Variants in IQSEC1 observed in about 807,000 individuals in gnomAD.
IQSEC1 encodes IQ motif and Sec7 domain ArfGEF 1, also known as IQ motif and SEC7 domain-containing protein 1.
In IQSEC1, 31 loss-of-function variants were observed where a neutral mutation model predicts 91.0. The observed-to-expected ratio is 0.34, with a 90% CI of 0.26 to 0.46. The LOEUF (loss-of-function observed/expected upper bound fraction) is 0.46, where lower values mean the gene tolerates loss of function less well. IQSEC1 is among the 20% of genes least tolerant of loss of function. The pLI, the probability that IQSEC1 is intolerant of heterozygous loss-of-function variation, is 1.00. For missense variants in IQSEC1, 1,388 were observed against 1,575.6 expected (o/e 0.88, Z 2.02); for synonymous variants, 699 against 662.6 (o/e 1.05, Z -0.84).
At chr3:13,044,898 G>C (rs1033686786) in intron 1 of IQSEC1, among the ~76,000 whole-genome samples, 13 of 152,264 alleles carry the variant, frequency 8.5e-5, no homozygotes, top group African/African-American at 2.7e-4. Flanking sequence ...TGCACAAAAA[G>C]GGCACAGAGT....
intron 2 of IQSEC1, among the ~76,000 whole-genome samples, chr3:13,090,225 AT>A (rs67184898): frequency 0.065 from 9,850 of 150,554 alleles, 398 homozygotes; most frequent in Middle Eastern, 0.19. Context: ...CTCAAAAAAA[AT>A]AAAACAACAA....
rs1231610693 is a variant in IQSEC1 at position 12,935,796 on chromosome 3, C to T, written c.1220G>A (p.Gly407Asp). The T allele has an allele frequency of 6.2e-7, 1 of 1,607,430 alleles. No individual in the cohort carries two copies. Among genetic ancestry groups the T allele is most frequent in the Admixed American group, 1.7e-5 (1 of 59,988 alleles). The change falls in exon 3 of 14, where the codon GGT (glycine) becomes GAT (aspartate). Residue 407 changes from glycine to aspartate, a missense_variant. Transcript: ENST00000613206. This position sits in a 1 kb window ranked among gnomAD's most constrained non-coding sequence, Gnocchi z 8.0. ...LGGQQGSPKH[G>D]PHSGAPKSLP... is the part of the protein sequence containing the mutation. ...GCTCTTGGGGGCGCCGCTGTGGGGA[C>T]CATGCTTGGGACTGCCCTGCTGCCC... is the stretch of plus-strand genomic sequence containing the variant.
intron 1 of IQSEC1, among the ~76,000 whole-genome samples, chr3:13,028,548 C>T (rs1703718402): frequency 6.6e-6 from 1 of 152,202 alleles, no homozygotes; most frequent in South Asian, 2.1e-4. Flanking sequence ...CAGGGCAGAG[C>T]CAGACCCTAG....
At chr3:13,267,561 C>T (rs1017752813) in intron 1 of IQSEC1, among the ~76,000 whole-genome samples, 1 of 152,046 alleles carries the variant, frequency 6.6e-6, no homozygotes, top group Non-Finnish European at 1.5e-5. Context: ...TTAAACAAGT[C>T]CCCCCAGCCC....
At position 12,901,027 on chromosome 3, in the gene IQSEC1, T is replaced by TG. The variant is rs980507785; in HGVS notation, c.3300dup (p.Thr1101HisfsTer92). 10 of 1,410,546 alleles carry TG rather than the reference T, an allele frequency of 7.1e-6. No individual in the cohort carries two copies. Among genetic ancestry groups the TG allele is most frequent in the Non-Finnish European group, 1.9e-6 (2 of 1,062,516 alleles). 87.4% of individuals were successfully genotyped at this position (1,410,546 alleles called of 1,614,324 possible). ...CCGCTGGGTTTGGCCTTGCTGCTGG[T>TG]GGGGGGCGGCGGGGCAGGGGGCTGC... is the stretch of plus-strand genomic sequence containing the variant. On this transcript the variant is annotated frameshift_variant, in exon 14 of 14. Transcript: ENST00000613206. LOFTEE classifies it high-confidence loss of function.
intron 1 of IQSEC1, among the ~76,000 whole-genome samples, chr3:13,056,509 T>C (rs967032098): frequency 6.6e-6 from 1 of 152,116 alleles, no homozygotes; most frequent in African/African-American, 2.4e-5. Flanking sequence ...AGGTTTCTTA[T>C]TCCCATTTTA....
chr3:13,063,582 G>A (rs138059019), intron 1 of IQSEC1, among the ~76,000 whole-genome samples: 3,511 of 152,340 alleles, frequency 0.023, 63 homozygotes, highest in Middle Eastern at 0.11. Context: ...TGGGGCTGGG[G>A]CCCCGGTTCT....
chr3:13,143,207 G>A (rs1320972396), intron 2 of IQSEC1, among the ~76,000 whole-genome samples: 2 of 152,226 alleles, frequency 1.3e-5, no homozygotes, highest in Non-Finnish European at 2.9e-5. Context: ...GGCACATGGA[G>A]GGCACTCAGT....
chr3:13,150,870 G>C (rs554447036), intron 2 of IQSEC1, among the ~76,000 whole-genome samples: 8 of 152,262 alleles, frequency 5.3e-5, no homozygotes, highest in Non-Finnish European at 1.0e-4. Context: ...CCACCTGAGA[G>C]TGGTAAATAG....
intron 1 of IQSEC1, among the ~76,000 whole-genome samples, chr3:12,964,852 T>TAAGG (rs1367251568): frequency 1.3e-5 from 2 of 152,146 alleles, no homozygotes; most frequent in Non-Finnish European, 2.9e-5. Context: ...CACACACATA[T>TAAGG]ACTGAGCTCC....
At chr3:13,238,550 G>C (rs1694970738) in intron 1 of IQSEC1, among the ~76,000 whole-genome samples, 1 of 152,158 alleles carries the variant, frequency 6.6e-6, no homozygotes, top group South Asian at 2.1e-4. Context: ...ATCCTTCCCA[G>C]TAGGAGCTCG....
chr3:13,114,752 C>G (rs1706307646), intron 2 of IQSEC1, among the ~76,000 whole-genome samples: 1 of 143,760 alleles, frequency 7.0e-6, no homozygotes, highest in Non-Finnish European at 1.5e-5. Flanking sequence ...AAGATCACGT[C>G]ACTGCACTCC....
intron 1 of IQSEC1, among the ~76,000 whole-genome samples, chr3:13,025,080 T>G (rs1576183002): frequency 1.3e-5 from 2 of 152,144 alleles, no homozygotes; most frequent in African/African-American, 2.4e-5. Context: ...GAGAGTGCAC[T>G]CAGTAAATAC....
intron 1 of IQSEC1, among the ~76,000 whole-genome samples, chr3:13,191,855 T>A (rs924687477): frequency 6.6e-6 from 1 of 152,244 alleles, no homozygotes; most frequent in African/African-American, 2.4e-5. Flanking sequence ...CACTGGTCCT[T>A]CTTCATGCCT....
intron 1 of IQSEC1, among the ~76,000 whole-genome samples, chr3:13,203,048 C>T (rs182102879): frequency 5.9e-5 from 9 of 152,272 alleles, no homozygotes; most frequent in African/African-American, 1.4e-4. Context: ...CACCCAGCTC[C>T]GCTGCTCTCT....
At chr3:13,120,646 C>T (rs1292910232) in intron 2 of IQSEC1, among the ~76,000 whole-genome samples, 1 of 152,198 alleles carries the variant, frequency 6.6e-6, no homozygotes, top group East Asian at 1.9e-4. Flanking sequence ...CTGAATAGAG[C>T]AATGAGCAAA....
At chr3:13,073,788 C>G (rs532836510), upstream of IQSEC1, among the ~76,000 whole-genome samples, 25 of 152,384 alleles carry the variant, frequency 1.6e-4, no homozygotes, top group African/African-American at 5.8e-4. Flanking sequence ...CCAAGGCTGT[C>G]TCTGCCACTG....
At chr3:13,249,706 A>AG (rs1695162872) in intron 1 of IQSEC1, among the ~76,000 whole-genome samples, 2 of 152,090 alleles carry the variant, frequency 1.3e-5, no homozygotes, top group Non-Finnish European at 2.9e-5. Flanking sequence ...CTGAAAAACG[A>AG]GGTGGGGGAG....
At chr3:13,076,896 C>T (rs1013004944), upstream of IQSEC1, among the ~76,000 whole-genome samples, 4 of 152,112 alleles carry the variant, frequency 2.6e-5, no homozygotes, top group Non-Finnish European at 4.4e-5. Flanking sequence ...CAGAGGTGAC[C>T]GCTGTCATCT....
Sources: gnomAD v4.1 joint callset for allele counts (sites outside exome capture counted in the v4.1 genomes callset) on GRCh38, gnomAD v4.1.1 for gene constraint, Gnocchi (gnomAD v3.1) non-coding constraint, MANE v1.5 for transcripts, NCBI Gene and HGNC (gene_info 2026-07-23, HGNC 2026-07-21) for gene names.